Variants in CDIN1 observed in about 807,000 individuals in gnomAD.
CDIN1 encodes CDAN1-interacting nuclease 1.
A neutral mutation model predicts 45.3 loss-of-function variants in CDIN1; 33 were observed. The ratio of observed to expected loss-of-function variants is 0.73; its 90% CI spans 0.55 to 0.97. CDIN1 has a LOEUF of 0.97. Ranked by LOEUF, CDIN1 falls within the 50% of genes least tolerant of loss-of-function variation. The pLI is 0.00. For missense variants in CDIN1, 303 were observed against 339.4 expected, an observed-to-expected ratio of 0.89 and a Z score of 0.84; for synonymous variants, 118 against 124.4, an observed-to-expected ratio of 0.95 and a Z score of 0.34.
chr15:36,585,405 T>C (rs1157293176), intron 1 of CDIN1, among the ~76,000 whole-genome samples: 2 of 152,230 alleles, frequency 1.3e-5, no homozygotes, highest in African/African-American at 2.4e-5. Flanking sequence ...TGTGACAGTT[T>C]CTTACTATTT....
intron 1 of CDIN1, among the ~76,000 whole-genome samples, chr15:36,642,744 C>G (rs1178850543): frequency 1.3e-5 from 2 of 152,096 alleles, no homozygotes; most frequent in African/African-American, 4.8e-5. Flanking sequence ...GGTCATTGGT[C>G]CCTAACTTTC....
chr15:36,663,411 A>G (rs940959111), intron 5 of CDIN1, among the ~76,000 whole-genome samples: 3 of 152,168 alleles, frequency 2.0e-5, no homozygotes, highest in Admixed American at 6.5e-5. Context: ...TATCTCCACC[A>G]AATCTCATCT....
intron 8 of CDIN1, among the ~76,000 whole-genome samples, chr15:36,703,435 G>GATATATATATATAAT (rs2042748359): frequency 1.6e-5 from 1 of 62,754 alleles, no homozygotes; most frequent in Non-Finnish European, 3.2e-5. Context: ...ATATATATCA[G>GATATATATATATAAT]AAAGGGATCT....
At chr15:36,606,583 A>G (rs1400856114) in intron 1 of CDIN1, among the ~76,000 whole-genome samples, 1 of 152,200 alleles carries the variant, frequency 6.6e-6, no homozygotes, top group Admixed American at 6.5e-5. Flanking sequence ...AAAATAAGCC[A>G]TACAGGACAA....
At chr15:36,710,940 T>C (rs897777868) in intron 10 of CDIN1, among the ~76,000 whole-genome samples, 9 of 152,150 alleles carry the variant, frequency 5.9e-5, no homozygotes, top group African/African-American at 2.2e-4. Flanking sequence ...CTTTTTGCCA[T>C]GGTAACAATG....
chr15:36,778,636 T>C (rs1424704748), intron 10 of CDIN1, among the ~76,000 whole-genome samples: 3 of 152,194 alleles, frequency 2.0e-5, no homozygotes, highest in Non-Finnish European at 2.9e-5. Flanking sequence ...CTCTCTAGCA[T>C]GCAATTTTGT....
At chr15:36,599,819 A>T (rs982513035) in intron 1 of CDIN1, among the ~76,000 whole-genome samples, 1 of 152,224 alleles carries the variant, frequency 6.6e-6, no homozygotes, top group Non-Finnish European at 1.5e-5. Context: ...TTGGGGAGTC[A>T]TCTGTCAGCC....
intron 10 of CDIN1, among the ~76,000 whole-genome samples, chr15:36,756,937 A>T (rs766251046): frequency 2.0e-5 from 3 of 152,180 alleles, no homozygotes; most frequent in Admixed American, 6.5e-5. Context: ...AGGGGAGAGA[A>T]GTCAGAAAAG....
chr15:36,607,486 A>G (rs2038431490), intron 1 of CDIN1, among the ~76,000 whole-genome samples: 1 of 152,196 alleles, frequency 6.6e-6, no homozygotes, highest in African/African-American at 2.4e-5. Context: ...CTTACTTCAT[A>G]TGATCTAATA....
intron 10 of CDIN1, among the ~76,000 whole-genome samples, chr15:36,794,279 C>T (rs914508191): frequency 6.6e-6 from 1 of 151,828 alleles, no homozygotes; most frequent in Non-Finnish European, 1.5e-5. Context: ...AGGATGGTCT[C>T]GATCTCCTGA....
intron 5 of CDIN1, among the ~76,000 whole-genome samples, chr15:36,676,425 T>C (rs138233785): frequency 1.3e-5 from 2 of 152,214 alleles, no homozygotes; most frequent in East Asian, 1.9e-4. Context: ...TTGCCAGCAA[T>C]TGGAAACACA....
chr15:36,647,948 TC>T (rs1366364715), intron 3 of CDIN1, among the ~76,000 whole-genome samples: 19 of 151,646 alleles, frequency 1.3e-4, no homozygotes, highest in Non-Finnish European at 2.2e-4. Context: ...CACGCCATTC[TC>T]CTGGCTCAGC....
chr15:36,714,308 A>G (rs1227417379), intron 10 of CDIN1, among the ~76,000 whole-genome samples: 6 of 152,274 alleles, frequency 3.9e-5, no homozygotes, highest in Admixed American at 3.3e-4. Flanking sequence ...TTTTAGATAA[A>G]TATGTATAAT....
intron 5 of CDIN1, among the ~76,000 whole-genome samples, chr15:36,682,282 G>C (rs948714582): frequency 8.5e-5 from 13 of 152,142 alleles, no homozygotes; most frequent in African/African-American, 3.1e-4. Context: ...CAAGGTTTCA[G>C]TTAGAGTTCA....
At chr15:36,779,622 A>C (rs2054301031) in intron 10 of CDIN1, among the ~76,000 whole-genome samples, 1 of 152,146 alleles carries the variant, frequency 6.6e-6, no homozygotes, top group South Asian at 2.1e-4. Context: ...GGCATTCTCC[A>C]TTCGTGTTTT....
chr15:36,699,051 G>A (rs1331213293), intron 8 of CDIN1, among the ~76,000 whole-genome samples: 1 of 152,136 alleles, frequency 6.6e-6, no homozygotes, highest in Non-Finnish European at 1.5e-5. Flanking sequence ...CCTCTGTGCT[G>A]TAGAATCTAG....
chr15:36,651,814 A>G (rs568858483), intron 3 of CDIN1, among the ~76,000 whole-genome samples: 360 of 152,306 alleles, frequency 2.4e-3, no homozygotes, highest in Non-Finnish European at 4.5e-3. Flanking sequence ...AGGAATTTCC[A>G]CAGTATTAAG....
At chr15:36,617,425 G>A (rs1435404387) in intron 1 of CDIN1, 2 of 1,251,260 alleles carry the variant, frequency 1.6e-6, no homozygotes, top group Non-Finnish European at 2.4e-6. Context: ...AAGCAATTCA[G>A]CAATTTCTAC....
At chr15:36,618,498 T>C in intron 1 of CDIN1, 1 of 1,228,628 alleles carries the variant, frequency 8.1e-7, no homozygotes, top group African/African-American at 1.5e-5. Flanking sequence ...AATCAAAGCC[T>C]CCAACACCAA....
Sources: gnomAD v4.1 joint callset for allele counts (sites outside exome capture counted in the v4.1 genomes callset) on GRCh38, gnomAD v4.1.1 for gene constraint, MANE v1.5 for transcripts, NCBI Gene and HGNC (gene_info 2026-07-23, HGNC 2026-07-21) for gene names.